The following MYO16 variants were observed in gnomAD, a reference collection of about 807,000 sequenced individuals.
MYO16 encodes the protein myosin XVI, also known as unconventional myosin-XVI.
Under a neutral mutation model 205.3 loss-of-function variants are expected in MYO16, and 94 were observed. That is an observed-to-expected ratio of 0.46 (90% CI 0.39 to 0.54). MYO16 has a LOEUF of 0.54. Ranked by LOEUF, MYO16 falls within the 20% of genes least tolerant of loss-of-function variation. MYO16 has a pLI of 0.00. For missense variants in MYO16, 2,315 were observed against 2,387.5 expected (o/e 0.97, Z 0.63); for synonymous variants, 988 against 954.0 (o/e 1.04, Z -0.66).
At chr13:108,788,960 T>C (rs1340372124) in intron 5 of MYO16, among the ~76,000 whole-genome samples, 1 of 152,206 alleles carries the variant, frequency 6.6e-6, no homozygotes, top group Admixed American at 6.5e-5. Flanking sequence ...GGCTTTGTCT[T>C]TGAGAATCTT....
intron 1 of MYO16, among the ~76,000 whole-genome samples, chr13:108,630,537 C>T (rs1168163582): frequency 2.6e-5 from 4 of 152,198 alleles, no homozygotes; most frequent in Admixed American, 2.6e-4. Context: ...ATACTTCCAT[C>T]TAAACCAATT....
intron 10 of MYO16, among the ~76,000 whole-genome samples, chr13:108,847,616 A>G (rs976749888): frequency 4.7e-4 from 71 of 152,246 alleles, no homozygotes; most frequent in Non-Finnish European, 3.2e-4. Context: ...CCAGATTTTT[A>G]TAAAGTGTAG....
At chr13:108,626,337 G>A (rs1407776447), upstream of MYO16, among the ~76,000 whole-genome samples, 1 of 152,100 alleles carries the variant, frequency 6.6e-6, no homozygotes, top group African/African-American at 2.4e-5. Context: ...TAAAATAATT[G>A]TGCTTTATGC....
At chr13:108,556,078 T>G in the MYO16 span, among the ~76,000 whole-genome samples, 2 of 152,216 alleles carry the variant, frequency 1.3e-5, no homozygotes, top group Non-Finnish European at 2.9e-5. Flanking sequence ...ATCTTGGCTA[T>G]TATGAATAAT....
the MYO16 span, among the ~76,000 whole-genome samples, chr13:108,541,064 C>G: frequency 6.6e-6 from 1 of 152,046 alleles, no homozygotes. Context: ...TGAGACTTTC[C>G]TTGCAGGAAG....
chr13:108,808,242 A>C (rs76707307), intron 7 of MYO16, among the ~76,000 whole-genome samples: 4,221 of 151,988 alleles, frequency 0.028, 66 homozygotes, highest in African/African-American at 0.049. Flanking sequence ...TATGAAAACT[A>C]GGCATAGACC....
chr13:109,096,921 T>G (rs1201641807), intron 27 of MYO16, among the ~76,000 whole-genome samples: 1 of 152,120 alleles, frequency 6.6e-6, no homozygotes, highest in Non-Finnish European at 1.5e-5. Flanking sequence ...TAAATCTCAG[T>G]TTTCAGATTC....
At chr13:108,915,289 C>T (rs1177556469) in intron 16 of MYO16, among the ~76,000 whole-genome samples, 1 of 152,164 alleles carries the variant, frequency 6.6e-6, no homozygotes, top group Non-Finnish European at 1.5e-5. Context: ...TGAGCTGTGG[C>T]AGTAAGACTG....
intron 1 of MYO16, among the ~76,000 whole-genome samples, chr13:108,620,975 T>G (rs1414178797): frequency 6.6e-6 from 1 of 152,168 alleles, no homozygotes; most frequent in Admixed American, 6.5e-5. Flanking sequence ...ACCCCTCAGC[T>G]GGCTGTGCCA....
At chr13:108,510,425 A>ATTTTTTTTTTTTTTTTTT in the MYO16 span, among the ~76,000 whole-genome samples, 33 of 97,082 alleles carry the variant, frequency 3.4e-4, 2 homozygotes, top group East Asian at 5.6e-3. Context: ...TAGATAGTTA[A>ATTTTTTTTTTTTTTTTTT]TTTTTTTTTT....
At chr13:108,525,107 C>T in the MYO16 span, among the ~76,000 whole-genome samples, 6 of 152,212 alleles carry the variant, frequency 3.9e-5, no homozygotes, top group South Asian at 2.1e-4. Flanking sequence ...CAGACTTTAC[C>T]TCTGGTTCCC....
intron 3 of MYO16, among the ~76,000 whole-genome samples, chr13:108,720,311 C>A (rs908336174): frequency 7.2e-5 from 11 of 152,168 alleles, no homozygotes; most frequent in African/African-American, 2.7e-4. Context: ...TGAATAAAAA[C>A]AAGCGTATGG....
intron 1 of MYO16, among the ~76,000 whole-genome samples, chr13:108,654,828 A>G (rs961113714): frequency 1.3e-5 from 2 of 152,202 alleles, no homozygotes; most frequent in African/African-American, 2.4e-5. Context: ...GTTTTAGCAA[A>G]GAGAATGGTG....
intron 17 of MYO16, among the ~76,000 whole-genome samples, chr13:108,959,737 C>G (rs1040443947): frequency 1.2e-4 from 18 of 152,146 alleles, no homozygotes; most frequent in African/African-American, 3.9e-4. Flanking sequence ...TCTAGCCGGG[C>G]GGCAGGGATG....
rs563572544 is a variant in MYO16 at position 108,633,735 on chromosome 13, A to AT, written c.28+3870dup. ...TTTTATGATACCAAGGTTAAAACCC[A>AT]TTTTTTTCCTCAAGCCACTCATGCT... On this transcript the variant is annotated intron_variant, in intron 1 of 34. Transcript: ENST00000457511. Among the ~76,000 whole-genome samples the AT allele has an allele frequency of 5.3e-5, 8 of 152,208 alleles. No homozygotes were observed. The South Asian group carries it at 1.2e-3, about 24-fold the overall frequency.
intron 23 of MYO16, among the ~76,000 whole-genome samples, chr13:109,043,133 A>G (rs1434955377): frequency 6.6e-6 from 1 of 152,242 alleles, no homozygotes; most frequent in Non-Finnish European, 1.5e-5. Flanking sequence ...AAATGACAGC[A>G]CAATGTTATG....
chr13:108,821,091 C>G (rs1394100914), intron 8 of MYO16, among the ~76,000 whole-genome samples: 1 of 151,946 alleles, frequency 6.6e-6, no homozygotes, highest in Non-Finnish European at 1.5e-5. Flanking sequence ...AGAGAAAAAT[C>G]TAGCATAGGT....
Position 109,125,025 on chromosome 13 carries a change from G to A in MYO16, c.3536-87G>A, listed in dbSNP as rs926699078. 1 of 1,396,016 alleles carries A rather than the reference G, an allele frequency of 7.2e-7. No homozygotes were observed. The allele number at this position is 1,396,016 out of a possible 1,614,324, so 86.5% of individuals were successfully genotyped here. A position where few individuals can be genotyped will look rare whatever the true frequency, so the allele number is the denominator to read the frequency against. ...ATGTACCTTATTCTACAACTGCTCA[G>A]AGATAAGTATATTATGATTTTTGTT... On this transcript the variant is annotated intron_variant, in intron 29 of 34. Transcript: ENST00000457511. The surrounding 1 kb of genome is among the most constrained non-coding windows in gnomAD (Gnocchi z 4.0).
chr13:108,644,227 G>A (rs1448121998), intron 1 of MYO16, among the ~76,000 whole-genome samples: 2 of 152,170 alleles, frequency 1.3e-5, no homozygotes, highest in Non-Finnish European at 2.9e-5. Context: ...GCCCAGGGAT[G>A]CTCCCACAGT....
Sources: gnomAD v4.1 joint callset for allele counts (sites outside exome capture counted in the v4.1 genomes callset) on GRCh38, gnomAD v4.1.1 for gene constraint, Gnocchi (gnomAD v3.1) non-coding constraint, MANE v1.5 for transcripts, NCBI Gene and HGNC (gene_info 2026-07-23, HGNC 2026-07-21) for gene names.